Variants in SHPK observed in about 807,000 individuals in gnomAD.
The protein encoded by SHPK is carbohydrate kinase-like protein.
SHPK carries 51 observed loss-of-function variants against 46.3 expected under a neutral mutation model. That is an observed-to-expected ratio of 1.10 (90% CI 0.88 to 1.39). The LOEUF (loss-of-function observed/expected upper bound fraction) is 1.39. Ranked by LOEUF, SHPK falls within the 40% of genes most tolerant of loss-of-function variation. The pLI is 0.00. For synonymous variants in SHPK, 290 were observed against 273.9 expected, an observed-to-expected ratio of 1.06 and a Z score of -0.58; for missense variants, 668 against 641.3, an observed-to-expected ratio of 1.04 and a Z score of -0.45.
chr17:3,614,450 G>T (rs1033599518), intron 6 of SHPK, among the ~76,000 whole-genome samples: 2 of 151,968 alleles, frequency 1.3e-5, no homozygotes, highest in African/African-American at 4.8e-5. Flanking sequence ...GCGTGAACCT[G>T]GGAGGCGGAG....
At chr17:3,618,684 G>A (rs936246977) in intron 5 of SHPK, among the ~76,000 whole-genome samples, 12 of 152,072 alleles carry the variant, frequency 7.9e-5, no homozygotes, top group African/African-American at 2.9e-4. Context: ...GGAGACTGAG[G>A]CAGGAGAATC....
At chr17:3,615,852 T>A (rs2075368789) in intron 5 of SHPK, among the ~76,000 whole-genome samples, 1 of 4,560 alleles carries the variant, frequency 2.2e-4, no homozygotes, top group Non-Finnish European at 4.0e-4. Flanking sequence ...TCAAAGGAAT[T>A]TTTTTTTTTT....
chr17:3,635,645 A>C lies in SHPK; in HGVS notation c.168+407T>G, dbSNP rs2075515888. Among the ~76,000 whole-genome samples the C allele has an allele frequency of 3.3e-5, 5 of 152,234 alleles. No homozygotes were observed. In the South Asian group the frequency reaches 1.0e-3, roughly 32 times the overall value. On this transcript the variant is annotated intron_variant, in intron 1 of 6. Transcript: ENST00000225519. ...GAAAACCCAGACTCTGCCCTGGGCA[A>C]CAAACTGAATCCTGAACTTGAGGTC... is the stretch of plus-strand genomic sequence containing the variant.
intron 5 of SHPK, among the ~76,000 whole-genome samples, chr17:3,616,100 C>T (rs1597568721): frequency 1.3e-5 from 2 of 152,254 alleles, no homozygotes; most frequent in East Asian, 1.9e-4. Context: ...GATCCACCCA[C>T]CTCGGCCTCC....
chr17:3,613,730 C>T (rs1033355515), intron 6 of SHPK, among the ~76,000 whole-genome samples: 1 of 148,100 alleles, frequency 6.8e-6, no homozygotes, highest in Admixed American at 6.8e-5. Context: ...AAAAAGTTTT[C>T]TTTTTTTTTT....
intron 5 of SHPK, among the ~76,000 whole-genome samples, chr17:3,616,113 A>G (rs1179044274): frequency 1.3e-5 from 2 of 151,986 alleles, no homozygotes; most frequent in South Asian, 2.1e-4. Flanking sequence ...CGGCCTCCCA[A>G]AGTGTTCGGA....
intron 3 of SHPK, 89 bp downstream of exon 3, chr17:3,623,959 C>G: frequency 7.7e-7 from 1 of 1,304,996 alleles, no homozygotes; most frequent in Non-Finnish European, 1.1e-6. Flanking sequence ...GCGGCACAGC[C>G]CAGCAGGCGG....
At position 3,613,331 on chromosome 17, in the gene SHPK, C is replaced by T. The variant is rs143741450; in HGVS notation, c.1024+2006G>A. ...GATGTTTTTAAACTCCACAGTATTTCCAGGGTGTGGTCAGTGCCAAGACCC... is the reference window on the plus strand; with the variant it reads ...GATGTTTTTAAACTCCACAGTATTTTCAGGGTGTGGTCAGTGCCAAGACCC... On this transcript the variant is annotated intron_variant, in intron 6 of 6. Transcript: ENST00000225519. Among the ~76,000 whole-genome samples, 457 of 152,318 alleles carry T rather than the reference C, an allele frequency of 3.0e-3. 2 individuals are homozygous for T. Among genetic ancestry groups the T allele is most frequent in the African/African-American group, 8.5e-3 (352 of 41,550 alleles).
intron 1 of SHPK, among the ~76,000 whole-genome samples, chr17:3,635,194 G>GAAGGAAGGAAGAAAGA (rs200477119): frequency 1.9e-5 from 1 of 53,586 alleles, no homozygotes; most frequent in Non-Finnish European, 3.8e-5. Context: ...AGGAAAGAAT[G>GAAGGAAGGAAGAAAGA]AAGGAAGGAA....
chr17:3,619,965 AAAG>A (rs140171840), intron 5 of SHPK: 26,510 of 193,416 alleles, frequency 0.14, 2,217 homozygotes, highest in Non-Finnish European at 0.17. Context: ...AAAAAAATTA[AAAG>A]AAGAATTTTT....
chr17:3,617,003 C>T (rs2075374528), intron 5 of SHPK, among the ~76,000 whole-genome samples: 1 of 151,788 alleles, frequency 6.6e-6, no homozygotes, highest in Admixed American at 6.6e-5. Flanking sequence ...TCCCAAAGTG[C>T]TGGGATTACA....
intron 6 of SHPK, among the ~76,000 whole-genome samples, chr17:3,612,600 A>G (rs1321933383): frequency 6.6e-6 from 1 of 152,056 alleles, no homozygotes; most frequent in African/African-American, 2.4e-5. Flanking sequence ...TTCTGATTTA[A>G]CTGGTGTGGG....
Position 3,610,093 on chromosome 17 carries a change from A to G in SHPK, c.*467T>C, listed in dbSNP as rs555048781. ...GTCCAGGAGACAAGAACTTTTCCAG[A>G]AGTCCATACGACCCGAGTGTGGGCT... On this transcript the variant is annotated 3_prime_UTR_variant, in exon 7 of 7. Transcript: ENST00000225519. The G allele has an allele frequency of 1.1e-4, 18 of 158,854 alleles. No individual in the cohort carries two copies. The South Asian group carries it at 3.3e-3, about 30-fold the overall frequency. 9.8% of individuals were successfully genotyped at this position (158,854 alleles called of 1,614,324 possible). A position where few individuals can be genotyped will look rare whatever the true frequency, so the allele number is the denominator to read the frequency against.
In SHPK at chr17:3,610,520, G is replaced by A; in HGVS notation, c.*40C>T. Reference sequence around the variant, plus strand: ...AGATGGTGTCAGGAATGTTAATCAGGTAAAATTCACAGCAGTCGTTTGGCG... The same window carrying A: ...AGATGGTGTCAGGAATGTTAATCAGATAAAATTCACAGCAGTCGTTTGGCG... On this transcript the variant is annotated 3_prime_UTR_variant, in exon 7 of 7. Transcript: ENST00000225519. 1 of 1,551,532 alleles carries A rather than the reference G, an allele frequency of 6.4e-7. No homozygotes were observed. The highest frequency in any genetic ancestry group is 8.7e-7 in the Non-Finnish European group (1 of 1,142,904).
intron 4 of SHPK, chr17:3,622,646 T>C (rs2075409604): frequency 1.0e-6 from 1 of 958,504 alleles, no homozygotes. Context: ...AAAAGGCAAA[T>C]GATTGTTCAA....
intron 5 of SHPK, among the ~76,000 whole-genome samples, chr17:3,616,427 TCA>T (rs1347757584): frequency 2.0e-5 from 3 of 152,126 alleles, no homozygotes; most frequent in African/African-American, 7.2e-5. Context: ...AAGCGTGGGC[TCA>T]GAGGCAGATC....
At chr17:3,635,900 A>G in intron 1 of SHPK, 152 bp downstream of exon 1, 1 of 762,430 alleles carries the variant, frequency 1.3e-6, no homozygotes, top group Admixed American at 3.1e-5. Context: ...TCATGAGCAC[A>G]GCTGCTGCAG....
intron 1 of SHPK, among the ~76,000 whole-genome samples, chr17:3,634,950 T>C (rs1439749531): frequency 6.6e-6 from 1 of 151,928 alleles, no homozygotes; most frequent in African/African-American, 2.4e-5. Flanking sequence ...AGTGGGCAGA[T>C]CACTTGAGGT....
chr17:3,630,202 T>C lies in SHPK; in HGVS notation c.310+3A>G. 1.9e-6 allele frequency: 3 copies of C among 1,613,986 alleles called. No homozygotes were observed. Among genetic ancestry groups the C allele is most frequent in the Admixed American group, 1.7e-5 (1 of 60,024 alleles). ...CCTGAGAGCATCCCCGAGCCCAGCA[T>C]ACCTTGGCCTGTTTTCCAAAACACG... On this transcript the variant is annotated splice_donor_region_variant and intron_variant, in intron 2 of 6. Coordinates refer to ENST00000225519, the MANE Select transcript of SHPK (RefSeq NM_013276.4).
Sources: allele counts gnomAD v4.1 joint callset (sites outside exome capture counted in the v4.1 genomes callset), GRCh38; gene constraint gnomAD v4.1.1; transcripts MANE v1.5; gene names NCBI Gene and HGNC (gene_info 2026-07-23, HGNC 2026-07-21).